SNX29: variants seen among roughly 807,000 people sequenced by gnomAD.
SNX29 encodes sorting nexin-29.
SNX29 carries 78 observed loss-of-function variants against 102.1 expected under a neutral mutation model. That is an observed-to-expected ratio of 0.76 (90% CI 0.64 to 0.92). The LOEUF is 0.92. SNX29 is among the 40% of genes least tolerant of loss of function. The pLI, the probability that SNX29 is intolerant of heterozygous loss-of-function variation, is 0.00. For missense variants in SNX29, 1,280 were observed against 1,061.7 expected (o/e 1.21, Z -2.86); for synonymous variants, 580 against 414.5 (o/e 1.40, Z -4.85).
chr16:12,519,084 C>T (rs1286178177), intron 19 of SNX29, among the ~76,000 whole-genome samples: 1 of 152,146 alleles, frequency 6.6e-6, no homozygotes, highest in Non-Finnish European at 1.5e-5. Context: ...ATCAGGCACT[C>T]CCGGCTTAGC....
At chr16:12,154,570 C>T (rs540237774) in intron 13 of SNX29, among the ~76,000 whole-genome samples, 26 of 152,356 alleles carry the variant, frequency 1.7e-4, no homozygotes, top group African/African-American at 6.0e-4. Context: ...ACTCTTCATC[C>T]TCAGGCCTGA....
chr16:12,069,209 G>C (rs1440308361), intron 10 of SNX29, 77 bp downstream of exon 10: 2 of 1,238,106 alleles, frequency 1.6e-6, no homozygotes, highest in African/African-American at 3.1e-5. Flanking sequence ...CTTTTTTAAA[G>C]ATAGGAGTGC....
intron 15 of SNX29, among the ~76,000 whole-genome samples, chr16:12,327,328 A>C (rs2081149079): frequency 6.6e-6 from 1 of 152,070 alleles, no homozygotes; most frequent in Non-Finnish European, 1.5e-5. Flanking sequence ...ATGGTGTATT[A>C]ATTAGCTAGA....
At chr16:12,192,420 C>T (rs2076665419) in intron 13 of SNX29, among the ~76,000 whole-genome samples, 1 of 152,344 alleles carries the variant, frequency 6.6e-6, no homozygotes, top group Middle Eastern at 3.4e-3. Context: ...CCGTAATGGC[C>T]TCCTATCTTC....
intron 14 of SNX29, among the ~76,000 whole-genome samples, chr16:12,257,064 A>G (rs933884053): frequency 6.6e-6 from 1 of 151,954 alleles, no homozygotes; most frequent in Non-Finnish European, 1.5e-5. Flanking sequence ...GTTTCCATAG[A>G]CTCTAGGGGA....
chr16:12,051,706 A>G (rs993897966), intron 7 of SNX29, 141 bp from the exon 8 acceptor site: 11 of 1,260,388 alleles, frequency 8.7e-6, no homozygotes, highest in Non-Finnish European at 1.2e-5. Flanking sequence ...TTCACTGAGG[A>G]TTTTAAAAAG....
At chr16:12,250,240 G>A (rs1462052787) in intron 14 of SNX29, among the ~76,000 whole-genome samples, 1 of 152,240 alleles carries the variant, frequency 6.6e-6, no homozygotes, top group Admixed American at 6.5e-5. Context: ...CTTGTGCATA[G>A]AAACACACAG....
chr16:12,275,979 G>A (rs956447334), intron 14 of SNX29, among the ~76,000 whole-genome samples: 1 of 144,276 alleles, frequency 6.9e-6, no homozygotes, highest in African/African-American at 2.6e-5. Flanking sequence ...TGCAATCTCC[G>A]TCTCCCTGGT....
intron 3 of SNX29, among the ~76,000 whole-genome samples, chr16:12,009,320 G>T (rs2056566346): frequency 6.6e-6 from 1 of 152,024 alleles, no homozygotes; most frequent in Non-Finnish European, 1.5e-5. Context: ...AGCCTAAATG[G>T]TGCACCGTAT....
intron 16 of SNX29, among the ~76,000 whole-genome samples, chr16:12,395,258 A>G (rs2083678300): frequency 6.6e-6 from 1 of 152,172 alleles, no homozygotes; most frequent in Non-Finnish European, 1.5e-5. Flanking sequence ...CCACGCTGGC[A>G]CTGGGGTCAG....
intron 20 of SNX29, chr16:12,526,809 A>T (rs548179641): frequency 7.8e-5 from 32 of 409,044 alleles, no homozygotes; most frequent in African/African-American, 1.4e-4. Context: ...CAGCCCAGGC[A>T]TCTCCGGTCC....
chr16:12,013,079 C>T (rs546342161), intron 3 of SNX29, among the ~76,000 whole-genome samples: 1 of 151,424 alleles, frequency 6.6e-6, no homozygotes, highest in Admixed American at 6.6e-5. Flanking sequence ...CAGAGTGAAG[C>T]AGGGACTGGG....
intron 18 of SNX29, among the ~76,000 whole-genome samples, chr16:12,475,378 A>C (rs1298833020): frequency 6.6e-6 from 1 of 152,210 alleles, no homozygotes; most frequent in Non-Finnish European, 1.5e-5. Context: ...CTTCTTGATT[A>C]TTTAGATCAG....
In SNX29 at chr16:12,573,090, G is replaced by A. The variant is rs1055402635; in HGVS notation, c.*4461G>A. The A allele has an allele frequency of 1.5e-4, 35 of 230,442 alleles. No homozygotes were observed. The Admixed American group carries it at 1.6e-3, about 10-fold the overall frequency. 14.3% of individuals were successfully genotyped at this position (230,442 alleles called of 1,614,324 possible). ...TTTATCTCATTTCTGTGCCAAGAAA[G>A]TTCATCTTTATGTTTTTCTAATACA... On this transcript the variant is annotated 3_prime_UTR_variant, in exon 21 of 21. Transcript: ENST00000566228.
Position 12,278,019 on chromosome 16 carries a change from G to A in SNX29, c.1765G>A (p.Glu589Lys), listed in dbSNP as rs1416525578. ...EIAEELASSY[E>K]RKLIEVAEMH... ...TGCTGAAGAACTCGCAAGCTCCTAC[G>A]AAAGAAAGCTCATCGAGGTAAGGCC... Residue 589 changes from glutamate to lysine, a missense_variant, in exon 15 of 21, where the codon GAA (glutamate) becomes AAA (lysine). Coordinates refer to ENST00000566228, the MANE Select transcript of SNX29 (RefSeq NM_032167.5). 5.0e-6 allele frequency: 8 copies of A among 1,602,294 alleles called. No homozygotes were observed. The highest frequency in any genetic ancestry group is 1.3e-5 in the African/African-American group (1 of 74,852).
rs886613437 is a variant in SNX29, at chr16:12,467,596, A to ATTCGTTTG, written c.2038-10108_2038-10101dup. On this transcript the variant is annotated intron_variant, in intron 18 of 20. Coordinates refer to ENST00000566228, the MANE Select transcript of SNX29 (RefSeq NM_032167.5). ...TGCATCCACTCTGACCTGTTCGTTC[A>ATTCGTTTG]TTCGTTTGTTCGTTTGTTCGTTCGT... Among the ~76,000 whole-genome samples, 22 of 148,838 alleles carry ATTCGTTTG rather than the reference A, an allele frequency of 1.5e-4. No individual in the cohort carries two copies. The South Asian group carries it at 3.7e-3, about 25-fold the overall frequency.
At chr16:12,210,552 CAGAG>C (rs1282433628) in intron 14 of SNX29, among the ~76,000 whole-genome samples, 3 of 151,934 alleles carry the variant, frequency 2.0e-5, no homozygotes, top group Non-Finnish European at 4.4e-5. Context: ...AGCCAAGAGA[CAGAG>C]AAAGTGAATC....
At chr16:12,331,797 C>G (rs956873118) in intron 15 of SNX29, among the ~76,000 whole-genome samples, 2 of 152,188 alleles carry the variant, frequency 1.3e-5, no homozygotes, top group African/African-American at 4.8e-5. Context: ...GGTGATCTGC[C>G]TGCCTCAGCC....
intron 13 of SNX29, among the ~76,000 whole-genome samples, chr16:12,134,169 A>G (rs1027326080): frequency 1.3e-5 from 2 of 152,218 alleles, no homozygotes; most frequent in African/African-American, 2.4e-5. Context: ...CATTTACAGG[A>G]GGAAAAGTGG....
Sources: allele counts gnomAD v4.1 joint callset (sites outside exome capture counted in the v4.1 genomes callset), GRCh38; gene constraint gnomAD v4.1.1; transcripts MANE v1.5; gene names NCBI Gene and HGNC (gene_info 2026-07-23, HGNC 2026-07-21).